The following SYNCRIP variants were observed in gnomAD, a reference collection of about 807,000 sequenced individuals.
SYNCRIP encodes the protein synaptotagmin binding cytoplasmic RNA interacting protein, also known as heterogeneous nuclear ribonucleoprotein Q.
A neutral mutation model predicts 68.9 loss-of-function variants in SYNCRIP; 9 were observed. The ratio of observed to expected loss-of-function variants is 0.13; its 90% confidence interval spans 0.08 to 0.23. SYNCRIP has a LOEUF of 0.23. Ranked by LOEUF, SYNCRIP falls within the 10% of genes least tolerant of loss-of-function variation. The pLI, the probability that SYNCRIP is intolerant of heterozygous loss-of-function variation, is 1.00. For missense variants in SYNCRIP, 414 were observed against 770.6 expected (o/e 0.54, Z 5.48); for synonymous variants, 258 against 254.0 (o/e 1.02, Z -0.15).
upstream of SYNCRIP, among the ~76,000 whole-genome samples, chr6:85,643,457 C>T (rs1215512908): frequency 6.6e-6 from 1 of 151,990 alleles, no homozygotes; most frequent in Non-Finnish European, 1.5e-5. Context: ...TCCGCTCCGA[C>T]GGTGGCGGCC....
downstream of SYNCRIP, chr6:85,610,871 A>G (rs527655020): frequency 6.6e-6 from 1 of 152,124 alleles, no homozygotes; most frequent in East Asian, 1.9e-4. Context: ...AACTTACACT[A>G]AGTTTTGAGA....
intron 6 of SYNCRIP, among the ~76,000 whole-genome samples, chr6:85,627,063 C>T (rs566143466): frequency 6.1e-4 from 92 of 151,998 alleles, no homozygotes; most frequent in Non-Finnish European, 1.1e-3. Flanking sequence ...CTCAGGAGTT[C>T]GAGACCAGCC....
At chr6:85,622,217 A>C (rs1806497540) in intron 8 of SYNCRIP, among the ~76,000 whole-genome samples, 1 of 151,848 alleles carries the variant, frequency 6.6e-6, no homozygotes, top group South Asian at 2.1e-4. Flanking sequence ...ACTAAAAAAA[A>C]CACAAAAATT....
At chr6:85,618,785 T>A in intron 10 of SYNCRIP, 33 bp downstream of exon 10, 1 of 1,524,426 alleles carries the variant, frequency 6.6e-7, no homozygotes. Flanking sequence ...TATTAAAATT[T>A]ATACAATTTT....
Position 85,614,427 on chromosome 6 carries a change from T to C in SYNCRIP, c.*329A>G, listed in dbSNP as rs1805532156. ...CACACTTGGTTTTAATCAACTACCT[T>C]TGAAGACACCAAATCTAAACACTAC... On this transcript the variant is annotated 3_prime_UTR_variant, in exon 11 of 11. Transcript: ENST00000369622. The C allele has an allele frequency of 2.9e-6, 3 of 1,030,314 alleles. No homozygotes were observed. Among genetic ancestry groups the C allele is most frequent in the African/African-American group, 1.7e-5 (1 of 59,032 alleles). The allele number at this position is 1,030,314 out of a possible 1,614,324, so 63.8% of individuals were successfully genotyped here.
chr6:85,640,683 A>ACTCC, intron 2 of SYNCRIP, 119 bp from the exon 3 acceptor site: 1 of 528,668 alleles, frequency 1.9e-6, no homozygotes, highest in Non-Finnish European at 3.2e-6. Context: ...CCTCATCTAT[A>ACTCC]CCTGAAAAAA....
chr6:85,619,839 C>T (rs1025408371), intron 8 of SYNCRIP, among the ~76,000 whole-genome samples: 3 of 152,304 alleles, frequency 2.0e-5, no homozygotes, highest in Admixed American at 2.0e-4. Context: ...TCTTACAAAA[C>T]TAAACACACA....
chr6:85,638,239 G>A (rs1183989526), intron 4 of SYNCRIP, among the ~76,000 whole-genome samples: 1 of 151,978 alleles, frequency 6.6e-6, no homozygotes. Flanking sequence ...CAGGCGTGGT[G>A]GCACGCGCCT....
At chr6:85,638,091 A>G (rs1377227463) in intron 4 of SYNCRIP, among the ~76,000 whole-genome samples, 2 of 152,166 alleles carry the variant, frequency 1.3e-5, no homozygotes, top group Admixed American at 6.5e-5. Flanking sequence ...AAAGAAGTAT[A>G]GGCTGGGTGC....
chr6:85,637,883 T>C (rs748431333), intron 4 of SYNCRIP, among the ~76,000 whole-genome samples: 1 of 152,176 alleles, frequency 6.6e-6, no homozygotes, highest in African/African-American at 2.4e-5. Context: ...TTATTTGACA[T>C]TTACGTGCCA....
intron 8 of SYNCRIP, among the ~76,000 whole-genome samples, chr6:85,620,519 T>C (rs189297983): frequency 2.0e-4 from 31 of 152,338 alleles, no homozygotes; most frequent in African/African-American, 5.5e-4. Flanking sequence ...GAGGGATGAC[T>C]AAGCACAGGA....
Position 85,614,246 on chromosome 6 carries a change from A to G in SYNCRIP, c.*510T>C. 1 of 985,576 alleles carries G rather than the reference A, an allele frequency of 1.0e-6. No individual in the cohort carries two copies. The highest frequency in any genetic ancestry group is 1.2e-6 in the Non-Finnish European group (1 of 829,626). The allele number at this position is 985,576 out of a possible 1,614,324, so 61.1% of individuals were successfully genotyped here. A position where few individuals can be genotyped will look rare whatever the true frequency, so the allele number is the denominator to read the frequency against. ...AGGTGTGAATTTTTTATTGAAATAA[A>G]CAACAGCATAAAGAATACAAGTAGC... On this transcript the variant is annotated 3_prime_UTR_variant, in exon 11 of 11. Transcript: ENST00000369622.
chr6:85,636,986 G>A lies in SYNCRIP; in HGVS notation c.647C>T (p.Ala216Val). The stretch of plus-strand genomic sequence containing the variant: ...ACTTACCAGTTTAACAGCCTCCTGA[G>A]CTGCTTCTTTTGTACAAAAAGTGAC... ...AFVTFCTKEA[A>V]QEAVKLYNNH... Residue 216 changes from alanine (A) to valine (V), a missense_variant, in exon 6 of 11, where the codon GCT (alanine) becomes GTT (valine). Physicochemically the swap from Ala to Val is moderately conservative, Grantham distance 64 (BLOSUM62 0). This residue lies in a region of SYNCRIP where 110 missense variants were observed against 269.3 expected (regional missense o/e 0.41). Coordinates refer to ENST00000369622, the MANE Select transcript of SYNCRIP (RefSeq NM_006372.5). 1 of 1,609,654 alleles carries A rather than the reference G, an allele frequency of 6.2e-7. No individual in the cohort carries two copies. The highest frequency in any genetic ancestry group is 8.5e-7 in the Non-Finnish European group (1 of 1,178,978).
At chr6:85,615,815 A>C (rs1805700589) in intron 10 of SYNCRIP, among the ~76,000 whole-genome samples, 1 of 152,242 alleles carries the variant, frequency 6.6e-6, no homozygotes, top group Admixed American at 6.5e-5. Flanking sequence ...GACTCAAAAA[A>C]AAATTTGTCA....
rs764941902 is a variant in SYNCRIP, at chr6:85,640,577, A to G, written c.149-13T>C. ...TGTGCAACTAGCCCTGAAAAAAATA[A>G]AAGTTATCAGCTTTTAATATTTTTA... is the stretch of plus-strand genomic sequence containing the variant. On this transcript the variant is annotated splice_polypyrimidine_tract_variant and intron_variant, in intron 2 of 10. Transcript: ENST00000369622. 6.7e-7 allele frequency: 1 copy of G among 1,502,772 alleles called. No individual in the cohort carries two copies. Among genetic ancestry groups the G allele is most frequent in the South Asian group, 1.2e-5 (1 of 80,882 alleles). The allele number at this position is 1,502,772 out of a possible 1,614,324, so 93.1% of individuals were successfully genotyped here.
At chr6:85,621,137 G>A (rs1276277586) in intron 8 of SYNCRIP, among the ~76,000 whole-genome samples, 2 of 152,266 alleles carry the variant, frequency 1.3e-5, no homozygotes, top group South Asian at 4.2e-4. Flanking sequence ...TTAATCTAAA[G>A]TGCTAACCCA....
intron 10 of SYNCRIP, among the ~76,000 whole-genome samples, chr6:85,616,849 T>C (rs1224043144): frequency 6.6e-6 from 1 of 152,188 alleles, no homozygotes; most frequent in African/African-American, 2.4e-5. Context: ...GGGGGACATT[T>C]TAGACGGTCA....
At chr6:85,630,104 G>A (rs1178100605) in intron 6 of SYNCRIP, among the ~76,000 whole-genome samples, 2 of 152,124 alleles carry the variant, frequency 1.3e-5, no homozygotes, top group African/African-American at 2.4e-5. Flanking sequence ...GCTCACGTCT[G>A]TAATCCCAGC....
chr6:85,630,689 T>C (rs1352767863), intron 6 of SYNCRIP, among the ~76,000 whole-genome samples: 1 of 151,956 alleles, frequency 6.6e-6, no homozygotes, highest in Non-Finnish European at 1.5e-5. Flanking sequence ...AAATGGAGGC[T>C]ATTAAAACAG....
Sources: gnomAD v4.1 joint callset for allele counts (sites outside exome capture counted in the v4.1 genomes callset) on GRCh38, gnomAD v4.1.1 for gene constraint, gnomAD v4.1.1 regional missense constraint, MANE v1.5 for transcripts, NCBI Gene and HGNC (gene_info 2026-07-23, HGNC 2026-07-21) for gene names.